YBX3: variants seen among roughly 807,000 people sequenced by gnomAD.
YBX3 encodes the protein Y-box-binding protein 3.
A neutral mutation model predicts 42.4 loss-of-function variants in YBX3; 29 were observed. The observed-to-expected ratio is 0.68, with a 90% CI of 0.51 to 0.93. The LOEUF is 0.93. Ranked by LOEUF, YBX3 falls within the 40% of genes least tolerant of loss-of-function variation. The pLI is 0.00. For synonymous variants in YBX3, 195 were observed against 189.8 expected (o/e 1.03, Z -0.22); for missense variants, 517 against 527.5 (o/e 0.98, Z 0.19).
chr12:10,710,277 C>T, intron 5 of YBX3, 163 bp from the exon 6 acceptor site: 3 of 1,503,304 alleles, frequency 2.0e-6, no homozygotes, highest in Non-Finnish European at 2.6e-6. Context: ...CATGTGATTG[C>T]CTGGGATAAA....
chr12:10,717,211 C>A (rs1948272656), intron 3 of YBX3, among the ~76,000 whole-genome samples: 2 of 152,170 alleles, frequency 1.3e-5, no homozygotes, highest in South Asian at 4.1e-4. Flanking sequence ...CCAATACACA[C>A]ACAAACCTAA....
chr12:10,705,399 C>A (rs2120916291), intron 6 of YBX3, among the ~76,000 whole-genome samples: 1 of 152,176 alleles, frequency 6.6e-6, no homozygotes, highest in South Asian at 2.1e-4. Context: ...GTTTTCATGA[C>A]CCTGATACTT....
rs1407872085 is a variant in YBX3 at position 10,718,220 on chromosome 12, C to T, written c.327-99G>A. 2.9e-6 allele frequency: 3 copies of T among 1,046,086 alleles called. No individual in the cohort carries two copies. In the East Asian group the frequency reaches 7.3e-5, roughly 26 times the overall value. 64.8% of individuals were successfully genotyped at this position (1,046,086 alleles called of 1,614,324 possible). On this transcript the variant is annotated intron_variant, in intron 2 of 9. Coordinates refer to ENST00000228251, the MANE Select transcript of YBX3 (RefSeq NM_003651.5). The stretch of plus-strand genomic sequence containing the variant: ...GAATTTAACTCCCAAGTCCTCAAAA[C>T]ACAACATATATTTTCACTTATTTTC...
At chr12:10,710,160 A>C in intron 5 of YBX3, 46 bp from the exon 6 acceptor site, 1 of 1,584,030 alleles carries the variant, frequency 6.3e-7, no homozygotes, top group Middle Eastern at 1.7e-4. Flanking sequence ...TTTAGCAAGG[A>C]AAGAACCAAA....
At chr12:10,708,296 T>C (rs1948159966) in intron 6 of YBX3, among the ~76,000 whole-genome samples, 4 of 151,008 alleles carry the variant, frequency 2.6e-5, no homozygotes, top group Admixed American at 2.0e-4. Context: ...ATAAGGCAAA[T>C]ACCACTGGCC....
In YBX3 at chr12:10,718,089, TG is replaced by T. The variant is rs1948283200; in HGVS notation, c.358del (p.Gln120ArgfsTer16). The T allele has an allele frequency of 6.2e-7, 1 of 1,611,560 alleles. No homozygotes were observed. The highest frequency in any genetic ancestry group is 8.5e-7 in the Non-Finnish European group (1 of 1,178,690). ...TGTAGTATTTATAATCCCTCTTACC[TG>T]ATGTACAAATACATCTTCTTTGGTG... is the stretch of plus-strand genomic sequence containing the variant. ...NDTKEDVFVH[Q>X]TAIKKNNPRK... is the part of the protein sequence containing the mutation. On this transcript the variant is annotated frameshift_variant and splice_region_variant, in exon 3 of 10. Coordinates refer to ENST00000228251, the MANE Select transcript of YBX3 (RefSeq NM_003651.5). LOFTEE classifies it high-confidence loss of function.
chr12:10,719,613 C>T (rs1484250441), intron 1 of YBX3, among the ~76,000 whole-genome samples: 2 of 152,196 alleles, frequency 1.3e-5, no homozygotes, highest in African/African-American at 4.8e-5. Flanking sequence ...AGGCAATCTA[C>T]AAAGACGTAA....
At chr12:10,710,928 TAAATAA>T in intron 5 of YBX3, 1 of 159,002 alleles carries the variant, frequency 6.3e-6, no homozygotes, top group South Asian at 1.8e-4. Flanking sequence ...AATATTAATA[TAAATAA>T]ACATTGACAA....
At chr12:10,715,972 C>A (rs1242108857) in intron 3 of YBX3, 189 bp from the exon 4 acceptor site, 13 of 566,950 alleles carry the variant, frequency 2.3e-5, no homozygotes, top group South Asian at 1.6e-4. Context: ...TTCCACATTA[C>A]TTCCTTGATT....
Position 10,702,133 on chromosome 12 carries a change from T to G in YBX3, c.880A>C (p.Arg294=), listed in dbSNP as rs912648029. ...NPTYRPRYRS[R]GPPRPRPAPA... The stretch of plus-strand genomic sequence containing the variant: ...GCAGGTCGTGGGCGAGGAGGTCCCC[T>G]GCTGTAGGGAACACAGAAGAAAATA... The change falls in exon 8 of 10, where the codon AGG becomes CGG. Residue 294 remains arginine, a splice_region_variant and synonymous_variant. Coordinates refer to ENST00000228251, the MANE Select transcript of YBX3 (RefSeq NM_003651.5). 26 of 1,613,184 alleles carry G rather than the reference T, an allele frequency of 1.6e-5. No individual in the cohort carries two copies. Among genetic ancestry groups the G allele is most frequent in the Non-Finnish European group, 1.9e-5 (23 of 1,179,652 alleles).
At chr12:10,718,046 C>G (rs1948282322) in intron 3 of YBX3, 42 bp downstream of exon 3, 5 of 1,553,654 alleles carry the variant, frequency 3.2e-6, no homozygotes, top group Non-Finnish European at 3.5e-6. Context: ...ATTACACACC[C>G]TCTCCTCACA....
rs776931399 is a variant in YBX3 at position 10,709,925 on chromosome 12, G to T, written c.763C>A (p.His255Asn). 4 of 1,614,040 alleles carry T rather than the reference G, an allele frequency of 2.5e-6. No individual in the cohort carries two copies. Among genetic ancestry groups the T allele is most frequent in the Middle Eastern group, 3.4e-4 (2 of 5,906 alleles). ...AATTTTACCTGTATTCTGTTGGGAT[G>T]GGGTAAGACCCGTGAGCGACGGTCA... ...TFDRRSRVLPHPNRIQAGEIG... is the reference protein window; with the variant it reads ...TFDRRSRVLPNPNRIQAGEIG... Residue 255 changes from histidine (H) to asparagine (N), a missense_variant, in exon 6 of 10, where the codon CAT becomes AAT. Coordinates refer to ENST00000228251, the MANE Select transcript of YBX3 (RefSeq NM_003651.5).
chr12:10,701,492 C>T, intron 8 of YBX3, 139 bp from the exon 9 acceptor site: 2 of 646,842 alleles, frequency 3.1e-6, no homozygotes, highest in South Asian at 1.8e-5. Context: ...AAGTATGAGT[C>T]ACAAATTAGT....
In YBX3 at chr12:10,710,046, C is replaced by T. The variant is rs759293477; in HGVS notation, c.642G>A (p.Arg214=). ...GCTGATTCCGGGCCCCAGAGAACTG[C>T]CTATCAGTGGCAGGGGGGTCAAATC... ...SEGFDPPATD[R]QFSGARNQLR... Residue 214 remains arginine, a synonymous_variant, in exon 6 of 10, where the codon AGG becomes AGA. Coordinates refer to ENST00000228251, the MANE Select transcript of YBX3 (RefSeq NM_003651.5). 6.2e-7 allele frequency: 1 copy of T among 1,614,124 alleles called. No homozygotes were observed. The highest frequency in any genetic ancestry group is 8.5e-7 in the Non-Finnish European group (1 of 1,179,996).
rs569415712 is a variant in YBX3 at position 10,720,220 on chromosome 12, G to A, written c.263-1077C>T. Among the ~76,000 whole-genome samples the A allele has an allele frequency of 2.3e-3, 349 of 152,252 alleles. 4 individuals are homozygous for A. Among genetic ancestry groups the A allele is most frequent in the Middle Eastern group, 0.01 (3 of 294 alleles). Reference sequence around the variant, plus strand: ...AGATACAAAGTTTATAATTTCCAAGGATAAACAATAAGGCTTCACTTTTAA... The same window carrying A: ...AGATACAAAGTTTATAATTTCCAAGAATAAACAATAAGGCTTCACTTTTAA... On this transcript the variant is annotated intron_variant, in intron 1 of 9. Coordinates refer to ENST00000228251, the MANE Select transcript of YBX3 (RefSeq NM_003651.5).
intron 1 of YBX3, among the ~76,000 whole-genome samples, chr12:10,719,723 G>C (rs574309483): frequency 3.5e-4 from 53 of 152,344 alleles, no homozygotes; most frequent in African/African-American, 1.3e-3. Flanking sequence ...ACCACTCTGA[G>C]ACGTGATATA....
rs1407360097 is a variant in YBX3, at chr12:10,709,927, G to A, written c.761C>T (p.Pro254Leu). ...QTFDRRSRVL[P>L]HPNRIQAGEI... is the part of the protein sequence containing the mutation. Reference sequence around the variant, plus strand: ...TTTTACCTGTATTCTGTTGGGATGGGGTAAGACCCGTGAGCGACGGTCAAA... The same window carrying A: ...TTTTACCTGTATTCTGTTGGGATGGAGTAAGACCCGTGAGCGACGGTCAAA... Residue 254 changes from proline (P) to leucine (L), a missense_variant, in exon 6 of 10, where the codon CCC (proline) becomes CTC (leucine). Pro to Leu is a moderately conservative substitution (Grantham distance 98). Around this residue, in one of 3 missense-constraint regions of YBX3, gnomAD observed 420 missense variants for 408.5 expected, o/e 1.03. Coordinates refer to ENST00000228251, the MANE Select transcript of YBX3 (RefSeq NM_003651.5). 1.2e-6 allele frequency: 2 copies of A among 1,614,074 alleles called. No individual in the cohort carries two copies. Among genetic ancestry groups the A allele is most frequent in the Non-Finnish European group, 1.7e-6 (2 of 1,180,044 alleles).
chr12:10,702,581 CAACAA>C (rs1157360704), intron 7 of YBX3: 1 of 151,754 alleles, frequency 6.6e-6, no homozygotes, highest in Non-Finnish European at 1.5e-5. Context: ...CAGGTCAATG[CAACAA>C]ATGGAATAGA....
chr12:10,707,501 T>C (rs1948151524), intron 6 of YBX3, among the ~76,000 whole-genome samples: 1 of 152,192 alleles, frequency 6.6e-6, no homozygotes, highest in South Asian at 2.1e-4. Flanking sequence ...ATCTAACCAT[T>C]TAATCAGACC....
Sources: gnomAD v4.1 joint callset for allele counts (sites outside exome capture counted in the v4.1 genomes callset) on GRCh38, gnomAD v4.1.1 for gene constraint, gnomAD v4.1.1 regional missense constraint, MANE v1.5 for transcripts, NCBI Gene and HGNC (gene_info 2026-07-23, HGNC 2026-07-21) for gene names.